PGLYRP2: variants seen among roughly 807,000 people sequenced by gnomAD.
The protein encoded by PGLYRP2 is N-acetylmuramoyl-L-alanine amidase.
A neutral mutation model predicts 46.2 loss-of-function variants in PGLYRP2; 38 were observed. The ratio of observed to expected loss-of-function variants is 0.82; its 90% CI spans 0.64 to 1.08. The LOEUF is 1.08. Among genes scored for constraint, PGLYRP2 ranks in the 50% least tolerant of loss-of-function variants. PGLYRP2 has a pLI of 0.00. For missense variants in PGLYRP2, 713 were observed against 755.9 expected, an observed-to-expected ratio of 0.94 and a Z score of 0.67; for synonymous variants, 289 against 329.4, an observed-to-expected ratio of 0.88 and a Z score of 1.33.
chr19:15,477,335 G>A lies in PGLYRP2; in HGVS notation c.62-727C>T, dbSNP rs1328244763. 3.4e-5 allele frequency among the ~76,000 whole-genome samples: 5 copies of A among 149,118 alleles called. No homozygotes were observed. In the South Asian group the frequency reaches 8.4e-4, roughly 25 times the overall value. On this transcript the variant is annotated intron_variant, in intron 1 of 4. Coordinates refer to ENST00000340880, the MANE Select transcript of PGLYRP2 (RefSeq NM_052890.4). ...TTGAACATGGGAGGTGGAGGTTGCAGTGAGCCGAGATTGCGCCACTGCACT... is the reference window on the plus strand; with the variant it reads ...TTGAACATGGGAGGTGGAGGTTGCAATGAGCCGAGATTGCGCCACTGCACT...
rs1245528931 is a variant in PGLYRP2 at position 15,475,557 on chromosome 19, T to C, written c.1113A>G (p.Glu371=). ...LAQVAANATK[E]FTEAFLGCPA... is the part of the protein sequence containing the mutation. ...CCTCACCCAGGAAGGCCTCAGTGAA[T>C]TCCTTGGTAGCATTGGCAGCCACCT... Residue 371 remains glutamate (E), a synonymous_variant, in exon 2 of 5, where the codon GAA becomes GAG. Coordinates refer to ENST00000340880, the MANE Select transcript of PGLYRP2 (RefSeq NM_052890.4). The C allele has an allele frequency of 1.9e-6, 3 of 1,603,734 alleles. No individual in the cohort carries two copies. The highest frequency in any genetic ancestry group is 1.7e-5 in the Admixed American group (1 of 59,120).
intron 2 of PGLYRP2, 91 bp downstream of exon 2, chr19:15,475,447 C>T: frequency 7.7e-7 from 1 of 1,296,722 alleles, no homozygotes; most frequent in Non-Finnish European, 1.1e-6. Context: ...CCCCTCTGGA[C>T]TCTCCTAGTC....
rs1339137262 is a variant in PGLYRP2, at chr19:15,469,559, G to C, written c.1641+73C>G. On this transcript the variant is annotated intron_variant, in intron 4 of 4. Transcript: ENST00000340880. This position sits in a 1 kb window ranked among gnomAD's most constrained non-coding sequence, Gnocchi z 4.9. ...GTGCGGGCACAGCTGTTACAGGCAG[G>C]GGGCAGGGGCCTCGTGGAGCTTGTG... is the stretch of plus-strand genomic sequence containing the variant. 22 of 1,533,628 alleles carry C rather than the reference G, an allele frequency of 1.4e-5. No individual in the cohort carries two copies. In the Admixed American group the frequency reaches 3.1e-4, roughly 22 times the overall value.
At chr19:15,476,643 C>T (rs769120127) in intron 1 of PGLYRP2, 35 bp from the exon 2 acceptor site, 1 of 1,498,122 alleles carries the variant, frequency 6.7e-7, no homozygotes, top group Non-Finnish European at 8.9e-7. Flanking sequence ...CCCAGCCCCA[C>T]CCATTCCTGA....
chr19:15,476,164 G>T lies in PGLYRP2; in HGVS notation c.506C>A (p.Ser169Tyr). Residue 169 changes from serine (S) to tyrosine (Y), a missense_variant, in exon 2 of 5, where the codon TCC becomes TAC. By Grantham distance (144) the Ser-to-Tyr change is moderately radical. Transcript: ENST00000340880. The stretch of plus-strand genomic sequence containing the variant: ...AGAGCCATCCCTGAGTCCTGGGGAG[G>T]AGGTGGCTCTTACATCTGGAGCAAT... ...VAIAPDVRAT[S>Y]SPGLRDGSPD... is the part of the protein sequence containing the mutation. 1.2e-6 allele frequency: 2 copies of T among 1,614,164 alleles called. No individual in the cohort carries two copies. The highest frequency in any genetic ancestry group is 1.7e-6 in the Non-Finnish European group (2 of 1,180,030).
rs1970721004 is a variant in PGLYRP2 at position 15,469,377 on chromosome 19, G to C, written c.1641+255C>G. On this transcript the variant is annotated intron_variant, in intron 4 of 4. Transcript: ENST00000340880. The surrounding 1 kb of genome is among the most constrained non-coding windows in gnomAD (Gnocchi z 4.9). ...TGGAAAGGTAGAGGTATTAGGAGCT[G>C]GGGAAAGGACAGGCTGGCTGGGTCT... The C allele has an allele frequency of 1.4e-6, 1 of 701,880 alleles. No individual in the cohort carries two copies. The allele number at this position is 701,880 out of a possible 1,614,324, so 43.5% of individuals were successfully genotyped here.
rs766660784 is a variant in PGLYRP2, at chr19:15,469,632, C to T, written c.1641G>A (p.Ala547=). Reference sequence around the variant, plus strand: ...TGTAGTGCAGGCTGCGAAGACTCACCGCGGTGAAGTGCGGCCAGGTGCGCA... The same window carrying T: ...TGTAGTGCAGGCTGCGAAGACTCACTGCGGTGAAGTGCGGCCAGGTGCGCA... ...DLLRTWPHFT[A]TVKPRPARSV... Residue 547 remains alanine, a splice_region_variant and synonymous_variant, in exon 4 of 5, where the codon GCG becomes GCA. Coordinates refer to ENST00000340880, the MANE Select transcript of PGLYRP2 (RefSeq NM_052890.4). The surrounding 1 kb of genome is among the most constrained non-coding windows in gnomAD (Gnocchi z 4.9). 2.1e-4 allele frequency: 330 copies of T among 1,574,762 alleles called. No individual in the cohort carries two copies. The highest frequency in any genetic ancestry group is 2.7e-4 in the Non-Finnish European group (313 of 1,165,844).
chr19:15,474,280 T>C lies in PGLYRP2; in HGVS notation c.1132+1258A>G, dbSNP rs946250181. On this transcript the variant is annotated intron_variant, in intron 2 of 4. Coordinates refer to ENST00000340880, the MANE Select transcript of PGLYRP2 (RefSeq NM_052890.4). ...TGAACCCAGGAAGTGGAGGTTGCAG[T>C]GAGCCGAGATTGTGCCATTGCACTC... Among the ~76,000 whole-genome samples, 6 of 152,208 alleles carry C rather than the reference T, an allele frequency of 3.9e-5. No homozygotes were observed. In the East Asian group the frequency reaches 1.2e-3, roughly 29 times the overall value.
chr19:15,479,069 C>G (rs968203287), intron 1 of PGLYRP2, among the ~76,000 whole-genome samples: 5 of 152,172 alleles, frequency 3.3e-5, no homozygotes, highest in African/African-American at 1.2e-4. Flanking sequence ...TCTTCCTAGC[C>G]TAGCTCTTAT....
chr19:15,470,969 T>C lies in PGLYRP2; in HGVS notation c.1343+921A>G, dbSNP rs146370546. 6.5e-3 allele frequency among the ~76,000 whole-genome samples: 980 copies of C among 151,896 alleles called. 2 individuals carry two copies. The highest frequency in any genetic ancestry group is 0.022 in the African/African-American group (926 of 41,436). On this transcript the variant is annotated intron_variant, in intron 3 of 4. Transcript: ENST00000340880. Reference sequence around the variant, plus strand: ...TCCTTCTTCTTTTCGAGACGGGTTCTCGCTCTGTCACTCAGGCTAGAGTGC... The same window carrying C: ...TCCTTCTTCTTTTCGAGACGGGTTCCCGCTCTGTCACTCAGGCTAGAGTGC...
In PGLYRP2 at chr19:15,472,064, G is replaced by T; in HGVS notation, c.1169C>A (p.Ala390Glu). 6.2e-7 allele frequency: 1 copy of T among 1,607,056 alleles called. No individual in the cohort carries two copies. The highest frequency in any genetic ancestry group is 8.5e-7 in the Non-Finnish European group (1 of 1,179,790). The change falls in exon 3 of 5, where the codon GCG becomes GAG. Residue 390 changes from alanine (A) to glutamate (E), a missense_variant. Physicochemically the swap from Ala to Glu is moderately radical, Grantham distance 107. Coordinates refer to ENST00000340880, the MANE Select transcript of PGLYRP2 (RefSeq NM_052890.4). Reference sequence around the variant, plus strand: ...CTTCGGGCGGCCCCGATAAGGCGCCGCTCCCCAGCGGCAGCGGGGGTGGAT... The same window carrying T: ...CTTCGGGCGGCCCCGATAAGGCGCCTCTCCCCAGCGGCAGCGGGGGTGGAT... ...PAIHPRCRWGAAPYRGRPKLL... is the reference protein window; with the variant it reads ...PAIHPRCRWGEAPYRGRPKLL...
At position 15,479,359 on chromosome 19, in the gene PGLYRP2, C is replaced by T. The variant is rs1337825542; in HGVS notation, c.13G>A (p.Val5Ile). The T allele has an allele frequency of 1.9e-6, 3 of 1,613,946 alleles. No individual in the cohort carries two copies. The highest frequency in any genetic ancestry group is 1.3e-5 in the African/African-American group (1 of 74,944). The change falls in exon 1 of 5, where the codon GTC (valine) becomes ATC (isoleucine). Residue 5 changes from valine to isoleucine, a missense_variant. Coordinates refer to ENST00000340880, the MANE Select transcript of PGLYRP2 (RefSeq NM_052890.4). MAQG[V>I]LWILLGLLLW... Reference sequence around the variant, plus strand: ...AGCAATCCGAGTAGGATCCAGAGGACACCCTGGGCCATTGTTGCAGGATTC... The same window carrying T: ...AGCAATCCGAGTAGGATCCAGAGGATACCCTGGGCCATTGTTGCAGGATTC...
chr19:15,475,848 A>G lies in PGLYRP2; in HGVS notation c.822T>C (p.Asn274=), dbSNP rs1370871184. The change falls in exon 2 of 5, where the codon AAT becomes AAC. Residue 274 remains asparagine (N), a synonymous_variant. Coordinates refer to ENST00000340880, the MANE Select transcript of PGLYRP2 (RefSeq NM_052890.4). ...KASLLTMAFL[N]GALDGVILGD... is the part of the protein sequence containing the mutation. Reference sequence around the variant, plus strand: ...CAAGGATGACCCCATCCAGGGCGCCATTGAGGAAGGCCATGGTTAACAGAG... The same window carrying G: ...CAAGGATGACCCCATCCAGGGCGCCGTTGAGGAAGGCCATGGTTAACAGAG... 1 of 1,614,072 alleles carries G rather than the reference A, an allele frequency of 6.2e-7. No individual in the cohort carries two copies. The highest frequency in any genetic ancestry group is 1.7e-5 in the Admixed American group (1 of 60,010).
rs757427446 is a variant in PGLYRP2 at position 15,471,897 on chromosome 19, C to T, written c.1336G>A (p.Gly446Ser). The T allele has an allele frequency of 1.8e-5, 29 of 1,613,488 alleles. No homozygotes were observed. The highest frequency in any genetic ancestry group is 2.5e-5 in the Non-Finnish European group (29 of 1,179,672). ...HQDTQGWGDI[G>S]YSFVVGSDGY... ...CGGTCGGGCCCCTCCTACCTGTAGC[C>T]GATGTCTCCCCAGCCTTGCGTGTCC... Residue 446 changes from glycine to serine, a missense_variant, in exon 3 of 5, where the codon GGC (glycine) becomes AGC (serine). Gly to Ser is a moderately conservative substitution (Grantham distance 56, BLOSUM62 0). Transcript: ENST00000340880.
Position 15,476,420 on chromosome 19 carries a change from A to G in PGLYRP2, c.250T>C (p.Cys84Arg), listed in dbSNP as rs1217130940. Residue 84 changes from cysteine to arginine, a missense_variant, in exon 2 of 5, where the codon TGC becomes CGC. Transcript: ENST00000340880. ...WSLNATELDP[C>R]PLSPELLGLT... ...CCTAACAGCTCTGGGCTTAGTGGGC[A>G]GGGATCCAACTCTGTAGCATTGAGG... 5.6e-6 allele frequency: 9 copies of G among 1,614,100 alleles called. No individual in the cohort carries two copies. Among genetic ancestry groups the G allele is most frequent in the African/African-American group, 1.3e-5 (1 of 75,034 alleles).
At position 15,469,200 on chromosome 19, in the gene PGLYRP2, G is replaced by T; in HGVS notation, c.1641+432C>A. On this transcript the variant is annotated intron_variant, in intron 4 of 4. Transcript: ENST00000340880. This position sits in a 1 kb window ranked among gnomAD's most constrained non-coding sequence, Gnocchi z 4.9. The stretch of plus-strand genomic sequence containing the variant: ...CATGTTGTGTGGACAGAGGGCCTTC[G>T]GGTAGGGGCAGGGGTGAGGTCAAGG... 1 of 589,324 alleles carries T rather than the reference G, an allele frequency of 1.7e-6. No individual in the cohort carries two copies. The highest frequency in any genetic ancestry group is 3.0e-6 in the Non-Finnish European group (1 of 330,334). 36.5% of individuals were successfully genotyped at this position (589,324 alleles called of 1,614,324 possible). A position where few individuals can be genotyped will look rare whatever the true frequency, so the allele number is the denominator to read the frequency against.
Position 15,472,042 on chromosome 19 carries a change from C to G in PGLYRP2, c.1191G>C (p.Pro397=). 6.2e-7 allele frequency: 1 copy of G among 1,611,206 alleles called. No individual in the cohort carries two copies. The highest frequency in any genetic ancestry group is 8.5e-7 in the Non-Finnish European group (1 of 1,179,916). The change falls in exon 3 of 5, where the codon CCG becomes CCC. Residue 397 remains proline (P), a synonymous_variant. Coordinates refer to ENST00000340880, the MANE Select transcript of PGLYRP2 (RefSeq NM_052890.4). ...ATCCCAGCGGCAGCTGCAGCAGCTT[C>G]GGGCGGCCCCGATAAGGCGCCGCTC... ...RWGAAPYRGR[P]KLLQLPLGFL... is the part of the protein sequence containing the mutation.
chr19:15,474,808 A>G (rs1281349012), intron 2 of PGLYRP2, among the ~76,000 whole-genome samples: 1 of 152,124 alleles, frequency 6.6e-6, no homozygotes, highest in Non-Finnish European at 1.5e-5. Flanking sequence ...TAAAATGATG[A>G]AACTCCGTCT....
chr19:15,478,630 GTT>G (rs1165681147), intron 1 of PGLYRP2, among the ~76,000 whole-genome samples: 11 of 128,168 alleles, frequency 8.6e-5, no homozygotes, highest in Non-Finnish European at 1.0e-4. Flanking sequence ...ATTTGCCTTT[GTT>G]TTTTTTTTTT....
Sources: gnomAD v4.1 joint callset for allele counts (sites outside exome capture counted in the v4.1 genomes callset) on GRCh38, gnomAD v4.1.1 for gene constraint, Gnocchi (gnomAD v3.1) non-coding constraint, MANE v1.5 for transcripts, NCBI Gene and HGNC (gene_info 2026-07-23, HGNC 2026-07-21) for gene names.